PATJ: variants seen among roughly 807,000 people sequenced by gnomAD.
PATJ encodes the protein PATJ crumbs cell polarity complex component.
In PATJ, 190 loss-of-function variants were observed where a neutral mutation model predicts 224.9. The observed-to-expected ratio is 0.84, with a 90% CI of 0.75 to 0.95. The LOEUF (loss-of-function observed/expected upper bound fraction) is 0.95, where lower values mean the gene tolerates loss of function less well. Ranked by LOEUF, PATJ falls within the 40% of genes least tolerant of loss-of-function variation. PATJ has a pLI of 0.00. For missense variants in PATJ, 2,121 were observed against 2,270.3 expected (o/e 0.93, Z 1.34); for synonymous variants, 769 against 820.3 (o/e 0.94, Z 1.07).
intron 31 of PATJ, among the ~76,000 whole-genome samples, chr1:62,057,543 G>A (rs1219965675): frequency 6.6e-6 from 1 of 152,174 alleles, no homozygotes; most frequent in Non-Finnish European, 1.5e-5. Flanking sequence ...GTTGATTGCA[G>A]CACTGGCAGT....
chr1:61,827,414 C>T lies in PATJ; in HGVS notation c.1819-8C>T. On this transcript the variant is annotated splice_polypyrimidine_tract_variant and splice_region_variant and intron_variant, in intron 15 of 43. Coordinates refer to ENST00000642238, the MANE Select transcript of PATJ (RefSeq NM_001350145.3). The stretch of plus-strand genomic sequence containing the variant: ...GCTCAGTTCTGACTTATCCCCTTGT[C>T]TTCCTAGGTCAATGGCATGCAGCTT... 1 of 1,611,446 alleles carries T rather than the reference C, an allele frequency of 6.2e-7. No individual in the cohort carries two copies. Among genetic ancestry groups the T allele is most frequent in the Non-Finnish European group, 8.5e-7 (1 of 1,178,664 alleles).
intron 28 of PATJ, among the ~76,000 whole-genome samples, chr1:61,998,031 T>TTA (rs35198834): frequency 0.18 from 22,863 of 128,380 alleles, 2,388 homozygotes; most frequent in Non-Finnish European, 0.21. Flanking sequence ...ATATAATATA[T>TTA]TATATATTTA....
intron 17 of PATJ, among the ~76,000 whole-genome samples, chr1:61,852,219 A>G (rs1388010144): frequency 6.6e-6 from 1 of 152,082 alleles, no homozygotes; most frequent in Non-Finnish European, 1.5e-5. Context: ...GTATAATAAT[A>G]TAAGCCTTTT....
rs112794744 is a variant in PATJ, at chr1:62,102,178, C to CAAATAAATAAAT, written c.4378-6235_4378-6224dup. On this transcript the variant is annotated intron_variant, in intron 33 of 43. Transcript: ENST00000642238. ...TGGACAACAAAGCGAGACCCTGTCT[C>CAAATAAATAAAT]AAATAAATAAATAAATAAATAAATA... 6.6e-3 allele frequency among the ~76,000 whole-genome samples: 995 copies of CAAATAAATAAAT among 150,134 alleles called. 12 individuals are homozygous for CAAATAAATAAAT. Among genetic ancestry groups the CAAATAAATAAAT allele is most frequent in the African/African-American group, 0.023 (926 of 40,636 alleles).
Position 61,864,262 on chromosome 1 carries a change from A to G in PATJ, c.2464A>G (p.Lys822Glu), listed in dbSNP as rs760743215. 1.2e-5 allele frequency: 19 copies of G among 1,609,044 alleles called. No individual in the cohort carries two copies. Among genetic ancestry groups the G allele is most frequent in the Non-Finnish European group, 1.5e-5 (18 of 1,178,092 alleles). ...PKGFRDEPYF[K>E]EELVDEPFLD... is the part of the protein sequence containing the mutation. ...GGGATTTAGAGATGAACCATATTTT[A>G]AAGAAGAACTTGTGGATGAACCATT... Residue 822 changes from lysine (K) to glutamate (E), a missense_variant, in exon 20 of 44, where the codon AAA becomes GAA. Physicochemically the swap from Lys to Glu is moderately conservative, Grantham distance 56. Transcript: ENST00000642238.
intron 25 of PATJ, among the ~76,000 whole-genome samples, chr1:61,912,862 G>A (rs1672894528): frequency 1.3e-5 from 2 of 152,152 alleles, no homozygotes; most frequent in African/African-American, 4.8e-5. Context: ...TGTCAGGGAG[G>A]CAAAGTGTTT....
chr1:62,013,542 G>A (rs548014371), intron 28 of PATJ: 7 of 976,440 alleles, frequency 7.2e-6, no homozygotes, highest in Non-Finnish European at 8.5e-6. Flanking sequence ...GGTGTTGCGT[G>A]CCTGCGCTGA....
At chr1:61,745,667 T>C (rs1026427276) in intron 1 of PATJ, among the ~76,000 whole-genome samples, 3 of 151,394 alleles carry the variant, frequency 2.0e-5, no homozygotes, top group Non-Finnish European at 2.9e-5. Flanking sequence ...GCAATGGCGC[T>C]GTCTTGGCTC....
intron 31 of PATJ, chr1:62,073,438 C>T (rs539817701): frequency 4.8e-5 from 20 of 414,148 alleles, no homozygotes; most frequent in African/African-American, 3.9e-4. Context: ...GACTGGCCAA[C>T]ATAGCAAGTC....
intron 28 of PATJ, among the ~76,000 whole-genome samples, chr1:62,010,894 GA>G (rs1178145571): frequency 1.3e-5 from 2 of 152,150 alleles, no homozygotes; most frequent in Non-Finnish European, 1.5e-5. Flanking sequence ...ATAACTTTCT[GA>G]AGTTTCTACA....
intron 26 of PATJ, among the ~76,000 whole-genome samples, chr1:61,915,681 A>C (rs1184144087): frequency 6.7e-6 from 1 of 149,108 alleles, no homozygotes; most frequent in African/African-American, 2.4e-5. Context: ...AATTTTTATA[A>C]TTTTCTTTTC....
At chr1:62,065,167 A>G (rs982687665) in intron 31 of PATJ, among the ~76,000 whole-genome samples, 1 of 152,240 alleles carries the variant, frequency 6.6e-6, no homozygotes, top group Non-Finnish European at 1.5e-5. Flanking sequence ...CCTTCAGGAA[A>G]GTCTCTGGAG....
intron 14 of PATJ, among the ~76,000 whole-genome samples, chr1:61,812,818 C>T (rs562368320): frequency 6.6e-6 from 1 of 152,042 alleles, no homozygotes; most frequent in South Asian, 2.1e-4. Flanking sequence ...CACTGGACTC[C>T]AGCCTGGGCA....
chr1:62,087,026 T>C (rs983895891), intron 33 of PATJ, among the ~76,000 whole-genome samples: 1 of 152,090 alleles, frequency 6.6e-6, no homozygotes, highest in African/African-American at 2.4e-5. Context: ...GGGCAGCTGC[T>C]CCCCACCAGG....
At chr1:61,859,925 A>G (rs1177943716) in intron 18 of PATJ, among the ~76,000 whole-genome samples, 1 of 151,794 alleles carries the variant, frequency 6.6e-6, no homozygotes, top group Non-Finnish European at 1.5e-5. Context: ...TGGCCTAATT[A>G]AGTAATGTTT....
intron 31 of PATJ, among the ~76,000 whole-genome samples, chr1:62,066,289 CTAA>C (rs2148664150): frequency 6.6e-6 from 1 of 152,178 alleles, no homozygotes; most frequent in East Asian, 1.9e-4. Flanking sequence ...AGACACTCAA[CTAA>C]TAAGTGTCAT....
chr1:62,013,098 A>G (rs937000708), intron 28 of PATJ, among the ~76,000 whole-genome samples: 10 of 152,262 alleles, frequency 6.6e-5, no homozygotes, highest in Non-Finnish European at 1.3e-4. Context: ...GGCTCTGCAC[A>G]TTTAGAAACA....
rs759011536 is a variant in PATJ at position 62,128,124 on chromosome 1, C to CA, written c.5166+32dup. On this transcript the variant is annotated intron_variant, in intron 40 of 43. Transcript: ENST00000642238. The stretch of plus-strand genomic sequence containing the variant: ...ACGAGAGAACTGGTTGAAAGACTAA[C>CA]AATATGTGTTGGGGTGGGAGAGGAA... The CA allele has an allele frequency of 4.3e-6, 7 of 1,613,354 alleles. No homozygotes were observed. The African/African-American group carries it at 5.3e-5, about 12-fold the overall frequency.
At chr1:61,894,033 T>A (rs928221357) in intron 22 of PATJ, among the ~76,000 whole-genome samples, 1 of 151,946 alleles carries the variant, frequency 6.6e-6, no homozygotes, top group Non-Finnish European at 1.5e-5. Context: ...GGCGGGCAGA[T>A]CACCTGAGGT....
Sources: allele counts gnomAD v4.1 joint callset (sites outside exome capture counted in the v4.1 genomes callset), GRCh38; gene constraint gnomAD v4.1.1; transcripts MANE v1.5; gene names NCBI Gene and HGNC (gene_info 2026-07-23, HGNC 2026-07-21).